Variants in MTRF1 observed in about 807,000 individuals in gnomAD.
MTRF1 encodes peptide chain release factor 1, mitochondrial.
Under a neutral mutation model 62.9 loss-of-function variants are expected in MTRF1, and 51 were observed. The observed-to-expected ratio is 0.81, with a 90% CI of 0.65 to 1.02. MTRF1 has a LOEUF of 1.02. Among genes scored for constraint, MTRF1 ranks in the 50% least tolerant of loss-of-function variants. The probability of loss-of-function intolerance (pLI) is 0.00; values close to 1 mark genes in which losing one functional copy is unlikely to be tolerated. For synonymous variants in MTRF1, 158 were observed against 181.9 expected, an observed-to-expected ratio of 0.87 and a Z score of 1.06; for missense variants, 446 against 530.0, an observed-to-expected ratio of 0.84 and a Z score of 1.56.
At chr13:41,242,610 C>A (rs1175588916) in intron 5 of MTRF1, among the ~76,000 whole-genome samples, 1 of 152,104 alleles carries the variant, frequency 6.6e-6, no homozygotes, top group African/African-American at 2.4e-5. Context: ...TGTGTTCCTG[C>A]ACATCTTACA....
chr13:41,283,752 GCTAA>G, the MTRF1 span, among the ~76,000 whole-genome samples: 1 of 151,270 alleles, frequency 6.6e-6, no homozygotes, highest in Non-Finnish European at 1.5e-5. Context: ...ACTACGCCCG[GCTAA>G]CTTTTTGTAT....
chr13:41,290,013 C>T, the MTRF1 span, among the ~76,000 whole-genome samples: 28 of 151,854 alleles, frequency 1.8e-4, no homozygotes, highest in African/African-American at 5.1e-4. Context: ...TGTTGAATCC[C>T]GAAGCACGGA....
At chr13:41,285,238 C>T in the MTRF1 span, among the ~76,000 whole-genome samples, 2 of 152,160 alleles carry the variant, frequency 1.3e-5, no homozygotes, top group East Asian at 1.9e-4. Flanking sequence ...AGTCCTCTTC[C>T]CTTCTTCTAA....
the MTRF1 span, chr13:41,311,231 G>A: frequency 5.7e-5 from 29 of 508,546 alleles, no homozygotes; most frequent in South Asian, 7.6e-5. Flanking sequence ...ATGCGCACAG[G>A]ATCCGGCTCG....
At chr13:41,266,132 C>G (rs1379208889), upstream of MTRF1, among the ~76,000 whole-genome samples, 1 of 152,012 alleles carries the variant, frequency 6.6e-6, no homozygotes, top group African/African-American at 2.4e-5. Context: ...CAGGCATGAG[C>G]CACCACACCT....
chr13:41,247,903 C>T (rs1253674655), intron 5 of MTRF1, among the ~76,000 whole-genome samples: 1 of 152,130 alleles, frequency 6.6e-6, no homozygotes, highest in African/African-American at 2.4e-5. Flanking sequence ...ATCATCTGAC[C>T]TCCACACAAG....
chr13:41,272,050 C>G, the MTRF1 span, among the ~76,000 whole-genome samples: 1 of 152,208 alleles, frequency 6.6e-6, no homozygotes, highest in African/African-American at 2.4e-5. Context: ...TGCCATTACA[C>G]ATGCCACAGT....
At chr13:41,277,086 A>C in the MTRF1 span, among the ~76,000 whole-genome samples, 5 of 150,600 alleles carry the variant, frequency 3.3e-5, no homozygotes, top group Non-Finnish European at 7.4e-5. Context: ...TTGAGTAATA[A>C]CTCTGTCTCT....
Position 41,217,006 on chromosome 13 carries a change from T to A in MTRF1, c.*109A>T. 1.7e-6 allele frequency: 1 copy of A among 571,776 alleles called. No individual in the cohort carries two copies. The highest frequency in any genetic ancestry group is 3.0e-6 in the Non-Finnish European group (1 of 330,856). 35.4% of individuals were successfully genotyped at this position (571,776 alleles called of 1,614,324 possible). On this transcript the variant is annotated 3_prime_UTR_variant, in exon 10 of 10. Coordinates refer to ENST00000379480, the MANE Select transcript of MTRF1 (RefSeq NM_004294.4). ...AAAACATATATTTATGTGTAATGTGTTCTTAAAGCTGTAATTTACAAATAT... is the reference window on the plus strand; with the variant it reads ...AAAACATATATTTATGTGTAATGTGATCTTAAAGCTGTAATTTACAAATAT...
At chr13:41,218,637 T>A (rs2032477683) in intron 9 of MTRF1, among the ~76,000 whole-genome samples, 1 of 152,216 alleles carries the variant, frequency 6.6e-6, no homozygotes, top group Non-Finnish European at 1.5e-5. Flanking sequence ...AGTAAAGTTG[T>A]TGGGATTAAT....
At chr13:41,273,291 A>C in the MTRF1 span, among the ~76,000 whole-genome samples, 198 of 150,140 alleles carry the variant, frequency 1.3e-3, 1 homozygote, top group African/African-American at 4.6e-3. Flanking sequence ...GCGCCACTGC[A>C]CTCCAGCCTG....
At chr13:41,242,873 C>CAGGAGTTCA (rs1184396126) in intron 5 of MTRF1, among the ~76,000 whole-genome samples, 1 of 152,000 alleles carries the variant, frequency 6.6e-6, no homozygotes, top group African/African-American at 2.4e-5. Context: ...AGCGGGAGCC[C>CAGGAGTTCA]AGGAGTTCAA....
At chr13:41,304,346 T>G in the MTRF1 span, among the ~76,000 whole-genome samples, 1 of 152,170 alleles carries the variant, frequency 6.6e-6, no homozygotes, top group Non-Finnish European at 1.5e-5. Flanking sequence ...ACAATCACAG[T>G]GCACTGCAGC....
At chr13:41,297,687 T>A in the MTRF1 span, among the ~76,000 whole-genome samples, 1 of 152,062 alleles carries the variant, frequency 6.6e-6, no homozygotes, top group Non-Finnish European at 1.5e-5. Flanking sequence ...GTGGTTCTCC[T>A]GCCTCAGCGT....
chr13:41,261,023 C>T, intron 1 of MTRF1, 108 bp from the exon 2 acceptor site: 1 of 1,039,400 alleles, frequency 9.6e-7, no homozygotes, highest in Non-Finnish European at 1.4e-6. Flanking sequence ...CTGCCTCAGC[C>T]AGCTCCACAG....
At chr13:41,227,109 T>G (rs1002550913) in intron 7 of MTRF1, among the ~76,000 whole-genome samples, 1 of 151,818 alleles carries the variant, frequency 6.6e-6, no homozygotes, top group Non-Finnish European at 1.5e-5. Context: ...GATAACACAG[T>G]GAAACCCCAT....
upstream of MTRF1, among the ~76,000 whole-genome samples, chr13:41,267,516 A>G (rs111748070): frequency 6.6e-6 from 1 of 152,178 alleles, no homozygotes; most frequent in African/African-American, 2.4e-5. Flanking sequence ...CCTCTCAGCT[A>G]TTGATTGTCT....
At chr13:41,311,687 T>A in the MTRF1 span, 1 of 1,023,526 alleles carries the variant, frequency 9.8e-7, no homozygotes. Context: ...TGGCCTCCGC[T>A]GCCCACCGCT....
intron 8 of MTRF1, among the ~76,000 whole-genome samples, chr13:41,225,399 T>C (rs910830740): frequency 2.6e-5 from 4 of 151,890 alleles, no homozygotes; most frequent in Non-Finnish European, 5.9e-5. Flanking sequence ...AAATAAGTTA[T>C]GGTTTGTAAA....
Sources: allele counts gnomAD v4.1 joint callset (sites outside exome capture counted in the v4.1 genomes callset), GRCh38; gene constraint gnomAD v4.1.1; transcripts MANE v1.5; gene names NCBI Gene and HGNC (gene_info 2026-07-23, HGNC 2026-07-21).